The following SQLE variants were observed in gnomAD, a reference collection of about 807,000 sequenced individuals.
SQLE encodes the protein squalene monooxygenase.
In SQLE, 29 loss-of-function variants were observed where a neutral mutation model predicts 60.7. That is an observed-to-expected ratio of 0.48 (90% CI 0.36 to 0.65). The LOEUF (loss-of-function observed/expected upper bound fraction) is 0.65. Among genes scored for constraint, SQLE ranks in the 30% least tolerant of loss-of-function variants. The pLI is 0.00. For synonymous variants in SQLE, 237 were observed against 246.8 expected (o/e 0.96, Z 0.37); for missense variants, 605 against 684.1 (o/e 0.88, Z 1.29).
At chr8:125,009,461 C>A in intron 6 of SQLE, 118 bp downstream of exon 6, 1 of 1,073,896 alleles carries the variant, frequency 9.3e-7, no homozygotes, top group Non-Finnish European at 1.3e-6. Context: ...ACTATTTAAA[C>A]TAGCACTTAA....
At chr8:125,020,289 TTACAC>T (rs1159021020) in intron 9 of SQLE, among the ~76,000 whole-genome samples, 1 of 152,206 alleles carries the variant, frequency 6.6e-6, no homozygotes, top group African/African-American at 2.4e-5. Flanking sequence ...TATCAATTGA[TTACAC>T]TACATTGTGA....
chr8:125,021,354 G>A (rs1447653809), intron 10 of SQLE, among the ~76,000 whole-genome samples: 1 of 151,954 alleles, frequency 6.6e-6, no homozygotes, highest in African/African-American at 2.4e-5. Context: ...TAATCTGAAT[G>A]TTAATACTGA....
In SQLE at chr8:125,022,072, GGATT is replaced by G; in HGVS notation, c.*128_*131del. On this transcript the variant is annotated 3_prime_UTR_variant, in exon 11 of 11. Transcript: ENST00000265896. ...AGTGGAAACTCTTGGACCAAGATTT[GGATT>G]AATTTGTTTTTGAAGTTTTTTGTAT... The G allele has an allele frequency of 1.7e-6, 1 of 604,488 alleles. No individual in the cohort carries two copies. The highest frequency in any genetic ancestry group is 2.4e-6 in the Non-Finnish European group (1 of 410,114). 37.4% of individuals were successfully genotyped at this position (604,488 alleles called of 1,614,324 possible). A position where few individuals can be genotyped will look rare whatever the true frequency, so the allele number is the denominator to read the frequency against.
At chr8:124,999,823 T>C in intron 1 of SQLE, 129 bp downstream of exon 1, 2 of 1,174,876 alleles carry the variant, frequency 1.7e-6, no homozygotes, top group South Asian at 3.2e-5. Flanking sequence ...TCATGTATTT[T>C]TTATTTTAAA....
rs145409161 is a variant in SQLE at position 125,020,013 on chromosome 8, T to G, written c.1445-771T>G. Among the ~76,000 whole-genome samples, 145 of 152,298 alleles carry G rather than the reference T, an allele frequency of 9.5e-4. 2 individuals are homozygous for G. In the East Asian group the frequency reaches 0.025, roughly 26 times the overall value. On this transcript the variant is annotated intron_variant, in intron 9 of 10. Coordinates refer to ENST00000265896, the MANE Select transcript of SQLE (RefSeq NM_003129.4). Reference sequence around the variant, plus strand: ...TTGGGCAAATAAAAAGAACTAAGTTTAGAGTTTTGGGCAAATAAAAAGAAC... The same window carrying G: ...TTGGGCAAATAAAAAGAACTAAGTTGAGAGTTTTGGGCAAATAAAAAGAAC...
At chr8:125,001,734 G>GT (rs1814858742) in intron 1 of SQLE, among the ~76,000 whole-genome samples, 1 of 151,686 alleles carries the variant, frequency 6.6e-6, no homozygotes, top group Non-Finnish European at 1.5e-5. Context: ...AGAATGCTGG[G>GT]TGGATATTAG....
chr8:125,018,887 G>A, intron 9 of SQLE, 160 bp downstream of exon 9: 1 of 584,422 alleles, frequency 1.7e-6, no homozygotes, highest in Non-Finnish European at 3.0e-6. Context: ...AGCAATAGTT[G>A]TAGTTTTAGT....
chr8:125,022,128 T>C lies in SQLE; in HGVS notation c.*183T>C. On this transcript the variant is annotated 3_prime_UTR_variant, in exon 11 of 11. Coordinates refer to ENST00000265896, the MANE Select transcript of SQLE (RefSeq NM_003129.4). ...TAAATATGTAAATACATGCTTTAAT[T>C]TGCAATTTAAAATGAAGGGGTTAAA... The C allele has an allele frequency of 2.5e-6, 1 of 393,206 alleles. No homozygotes were observed. Among genetic ancestry groups the C allele is most frequent in the Non-Finnish European group, 4.4e-6 (1 of 225,892 alleles). 24.4% of individuals were successfully genotyped at this position (393,206 alleles called of 1,614,324 possible).
chr8:125,020,892 G>C (rs763949311), intron 10 of SQLE, 21 bp downstream of exon 10: 1 of 1,574,966 alleles, frequency 6.3e-7, no homozygotes, highest in African/African-American at 1.3e-5. Flanking sequence ...ATGGCACAGA[G>C]GATACAAACC....
intron 7 of SQLE, among the ~76,000 whole-genome samples, chr8:125,012,312 A>G (rs1815050571): frequency 6.6e-6 from 1 of 152,226 alleles, no homozygotes; most frequent in Non-Finnish European, 1.5e-5. Flanking sequence ...TGTACAGTAC[A>G]GTGACTTTTT....
chr8:125,008,855 C>T, intron 4 of SQLE, 116 bp from the exon 5 acceptor site: 1 of 625,654 alleles, frequency 1.6e-6, no homozygotes, highest in South Asian at 3.9e-5. Flanking sequence ...TTCAACTACT[C>T]TCTATAATGC....
At chr8:125,021,080 A>G (rs1815196718) in intron 10 of SQLE, 1 of 498,506 alleles carries the variant, frequency 2.0e-6, no homozygotes, top group South Asian at 3.1e-5. Flanking sequence ...GTGGTGGTAG[A>G]GGAAGCTATA....
At chr8:125,002,442 C>T (rs1814869992) in intron 1 of SQLE, among the ~76,000 whole-genome samples, 1 of 152,202 alleles carries the variant, frequency 6.6e-6, no homozygotes, top group African/African-American at 2.4e-5. Context: ...CTTTGGGAGG[C>T]TGAGGCAGGA....
rs1227552030 is a variant in SQLE, at chr8:125,021,903, A to G, written c.1683A>G (p.Ile561Met). ...TATTGTACAAAGCGTGTTCTGTAAT[A>G]TTTCCTCTAATTTACTCAGAAATGA... is the stretch of plus-strand genomic sequence containing the variant. ...GAVLYKACSV[I>M]FPLIYSEMKY... Residue 561 changes from isoleucine to methionine, a missense_variant, in exon 11 of 11, where the codon ATA (isoleucine) becomes ATG (methionine). By Grantham distance (10) the Ile-to-Met change is conservative. Transcript: ENST00000265896. 1 of 1,607,654 alleles carries G rather than the reference A, an allele frequency of 6.2e-7. No homozygotes were observed. Among genetic ancestry groups the G allele is most frequent in the South Asian group, 1.1e-5 (1 of 89,860 alleles).
At chr8:125,008,350 A>G (rs1448223789) in intron 4 of SQLE, among the ~76,000 whole-genome samples, 3 of 152,072 alleles carry the variant, frequency 2.0e-5, no homozygotes, top group African/African-American at 7.2e-5. Context: ...CAGCCTCCCA[A>G]AGTGCTGGGA....
intron 2 of SQLE, among the ~76,000 whole-genome samples, chr8:125,004,681 G>A (rs879303929): frequency 6.6e-6 from 1 of 151,866 alleles, no homozygotes; most frequent in Non-Finnish European, 1.5e-5. Context: ...TATTTTTCCA[G>A]TGGTTTTTAA....
At chr8:125,019,404 G>C (rs77493571) in intron 9 of SQLE, among the ~76,000 whole-genome samples, 20,789 of 151,788 alleles carry the variant, frequency 0.14, 1,927 homozygotes, top group African/African-American at 0.27. Context: ...GGACAATAAA[G>C]CAAGACCCCA....
Position 125,022,163 on chromosome 8 carries a change from C to T in SQLE, c.*218C>T, listed in dbSNP as rs1475640670. ...AAATGAAGGGGTTAAATAAGTTAGA[C>T]ATTTAAAAGAAATGATTGTTACCAT... On this transcript the variant is annotated 3_prime_UTR_variant, in exon 11 of 11. Coordinates refer to ENST00000265896, the MANE Select transcript of SQLE (RefSeq NM_003129.4). The T allele has an allele frequency of 1.2e-5, 4 of 330,200 alleles. No individual in the cohort carries two copies. Among genetic ancestry groups the T allele is most frequent in the Admixed American group, 4.8e-5 (1 of 20,778 alleles). The allele number at this position is 330,200 out of a possible 1,614,324, so 20.5% of individuals were successfully genotyped here.
rs1232565286 is a variant in SQLE, at chr8:125,016,532, G to A, written c.1205-1527G>A. On this transcript the variant is annotated intron_variant, in intron 7 of 10. Coordinates refer to ENST00000265896, the MANE Select transcript of SQLE (RefSeq NM_003129.4). This position sits in a 1 kb window ranked among gnomAD's most constrained non-coding sequence, Gnocchi z 4.1. ...TCTGTGTTGTCTTGAATTTTGTTGAGCTTCTCCAAAACAGCTATTTTGAAT... is the reference window on the plus strand; with the variant it reads ...TCTGTGTTGTCTTGAATTTTGTTGAACTTCTCCAAAACAGCTATTTTGAAT... Among the ~76,000 whole-genome samples the A allele has an allele frequency of 1.3e-5, 2 of 151,980 alleles. No homozygotes were observed. Among genetic ancestry groups the A allele is most frequent in the Admixed American group, 1.3e-4 (2 of 15,252 alleles).
Sources: allele counts gnomAD v4.1 joint callset (sites outside exome capture counted in the v4.1 genomes callset), GRCh38; gene constraint gnomAD v4.1.1; non-coding constraint Gnocchi (gnomAD v3.1); transcripts MANE v1.5; gene names NCBI Gene and HGNC (gene_info 2026-07-23, HGNC 2026-07-21).